The following NRXN3 variants were observed in gnomAD, a reference collection of about 807,000 sequenced individuals.
NRXN3 encodes the protein neurexin III.
A neutral mutation model predicts 137.6 loss-of-function variants in NRXN3; 32 were observed. That is an observed-to-expected ratio of 0.23 (90% confidence interval 0.18 to 0.31). The LOEUF is 0.31. Among genes scored for constraint, NRXN3 ranks in the 10% least tolerant of loss-of-function variants. The pLI, the probability that NRXN3 is intolerant of heterozygous loss-of-function variation, is 1.00. For missense variants in NRXN3, 1,574 were observed against 2,062.5 expected (o/e 0.76, Z 4.59); for synonymous variants, 798 against 784.5 (o/e 1.02, Z -0.29).
Position 79,316,102 on chromosome 14 carries a change from T to A in NRXN3, c.3263-151119T>A, listed in dbSNP as rs116690572. On this transcript the variant is annotated intron_variant, in intron 15 of 20. Transcript: ENST00000335750. ...CTCCCGAATCGCGAGGAAGGTATGA[T>A]TCTTATTTCTTCACACACACACAGA... Among the ~76,000 whole-genome samples, 1,026 of 152,304 alleles carry A rather than the reference T, an allele frequency of 6.7e-3. 10 individuals carry two copies. Among genetic ancestry groups the A allele is most frequent in the African/African-American group, 0.024 (991 of 41,572 alleles).
intron 16 of NRXN3, among the ~76,000 whole-genome samples, chr14:79,600,238 G>A (rs1211264142): frequency 1.3e-5 from 2 of 152,088 alleles, no homozygotes; most frequent in African/African-American, 4.8e-5. Flanking sequence ...ACGCTTTTAT[G>A]TTCTTTCCTG....
chr14:79,840,978 A>G (rs2099354688), intron 20 of NRXN3, among the ~76,000 whole-genome samples: 3 of 152,198 alleles, frequency 2.0e-5, no homozygotes. Flanking sequence ...AAAATTTCTC[A>G]AAGCTTCCTC....
At chr14:79,024,829 T>C (rs874315) in intron 15 of NRXN3, among the ~76,000 whole-genome samples, 82,386 of 152,040 alleles carry the variant, frequency 0.54, 24,292 homozygotes, top group East Asian at 0.78. Context: ...CTTCTCCTTT[T>C]TTCACTTGCT....
intron 15 of NRXN3, among the ~76,000 whole-genome samples, chr14:79,186,930 C>G (rs962136098): frequency 3.3e-5 from 5 of 152,194 alleles, no homozygotes; most frequent in Admixed American, 3.3e-4. Context: ...AGCATCGATT[C>G]TGGCATTTTT....
chr14:79,330,357 G>T (rs529610662), intron 15 of NRXN3, among the ~76,000 whole-genome samples: 2 of 152,218 alleles, frequency 1.3e-5, no homozygotes, highest in East Asian at 3.9e-4. Context: ...TTGATGTTGG[G>T]GCTGAGAGAA....
At chr14:78,237,052 C>T (rs113675639) in intron 1 of NRXN3, among the ~76,000 whole-genome samples, 8 of 152,248 alleles carry the variant, frequency 5.3e-5, no homozygotes, top group African/African-American at 1.9e-4. Context: ...AAGCCTCTGT[C>T]CACCTGCAAA....
intron 6 of NRXN3, among the ~76,000 whole-genome samples, chr14:78,699,817 T>C (rs1286544122): frequency 1.3e-5 from 2 of 152,228 alleles, no homozygotes; most frequent in African/African-American, 2.4e-5. Context: ...GGTAGGTTTG[T>C]TTAGTGCCTA....
intron 15 of NRXN3, among the ~76,000 whole-genome samples, chr14:79,027,869 G>A (rs983472366): frequency 3.3e-5 from 5 of 152,138 alleles, no homozygotes; most frequent in Non-Finnish European, 7.4e-5. Context: ...CCCACAAAAT[G>A]TGAAGAACTT....
chr14:79,768,847 C>A (rs1304853243), intron 19 of NRXN3, among the ~76,000 whole-genome samples: 3 of 151,554 alleles, frequency 2.0e-5, no homozygotes, highest in Non-Finnish European at 4.4e-5. Context: ...GACATTCAAA[C>A]CAAAGGCAAA....
At chr14:78,917,548 A>C (rs2099258792) in intron 10 of NRXN3, among the ~76,000 whole-genome samples, 4 of 152,228 alleles carry the variant, frequency 2.6e-5, no homozygotes, top group Admixed American at 6.5e-5. Flanking sequence ...GTGAGAAGTC[A>C]TTATTTAGGT....
At chr14:78,365,215 C>CAT (rs971137206) in intron 4 of NRXN3, among the ~76,000 whole-genome samples, 9 of 151,000 alleles carry the variant, frequency 6.0e-5, no homozygotes, top group South Asian at 2.1e-4. Flanking sequence ...TGGAATAGGT[C>CAT]ATATATATAT....
chr14:78,736,719 A>G (rs1434157053), intron 8 of NRXN3, among the ~76,000 whole-genome samples: 1 of 152,214 alleles, frequency 6.6e-6, no homozygotes, highest in African/African-American at 2.4e-5. Context: ...GGTACTAGGG[A>G]TACAGAGAAT....
intron 4 of NRXN3, among the ~76,000 whole-genome samples, chr14:78,315,940 G>A (rs1267007224): frequency 6.6e-6 from 1 of 152,068 alleles, no homozygotes; most frequent in African/African-American, 2.4e-5. Context: ...TCTCTTGTAC[G>A]CATAGTAACC....
chr14:78,649,280 G>C, intron 5 of NRXN3: 2 of 1,343,428 alleles, frequency 1.5e-6, no homozygotes, highest in Non-Finnish European at 2.0e-6. Context: ...CTCAGGCATC[G>C]GACACGCTAT....
intron 15 of NRXN3, among the ~76,000 whole-genome samples, chr14:79,366,617 T>C (rs2093903278): frequency 6.6e-6 from 1 of 152,208 alleles, no homozygotes; most frequent in Non-Finnish European, 1.5e-5. Flanking sequence ...TTTTTTTCCA[T>C]AGCTCACTAA....
intron 15 of NRXN3, among the ~76,000 whole-genome samples, chr14:78,997,910 G>C (rs2099533322): frequency 6.6e-6 from 1 of 152,104 alleles, no homozygotes; most frequent in South Asian, 2.1e-4. Context: ...GATCTTTTAG[G>C]TCTGTTTTCT....
At chr14:78,285,701 G>T (rs1040981800) in intron 3 of NRXN3, among the ~76,000 whole-genome samples, 1 of 152,182 alleles carries the variant, frequency 6.6e-6, no homozygotes, top group Non-Finnish European at 1.5e-5. Flanking sequence ...TCAGCTCTTT[G>T]TTTTATCCCA....
At chr14:78,433,654 C>T (rs544159508) in intron 4 of NRXN3, among the ~76,000 whole-genome samples, 19 of 152,090 alleles carry the variant, frequency 1.2e-4, no homozygotes, top group Non-Finnish European at 2.9e-5. Flanking sequence ...CCTTTTCTTG[C>T]GTGCATGCTC....
intron 4 of NRXN3, among the ~76,000 whole-genome samples, chr14:78,322,920 C>A (rs2079561376): frequency 6.6e-6 from 1 of 151,968 alleles, no homozygotes; most frequent in Admixed American, 6.5e-5. Context: ...AGCTATCTTC[C>A]CCGCACTATG....
Sources: gnomAD v4.1 joint callset for allele counts (sites outside exome capture counted in the v4.1 genomes callset) on GRCh38, gnomAD v4.1.1 for gene constraint, MANE v1.5 for transcripts, NCBI Gene and HGNC (gene_info 2026-07-23, HGNC 2026-07-21) for gene names.